Variants in EIF4G3 observed in about 807,000 individuals in gnomAD.
EIF4G3 encodes the protein eukaryotic translation initiation factor 4 gamma 3, also known as eIF-4-gamma 3.
In EIF4G3, 34 loss-of-function variants were observed where a neutral mutation model predicts 186.4. That is an observed-to-expected ratio of 0.18 (90% CI 0.14 to 0.24). EIF4G3 has a LOEUF of 0.24. Ranked by LOEUF, EIF4G3 falls within the 10% of genes least tolerant of loss-of-function variation. EIF4G3 has a pLI of 1.00. For missense variants in EIF4G3, 1,536 were observed against 1,948.5 expected, an observed-to-expected ratio of 0.79 and a Z score of 3.99; for synonymous variants, 673 against 679.5, an observed-to-expected ratio of 0.99 and a Z score of 0.15.
At position 20,868,090 on chromosome 1, in the gene EIF4G3, C is replaced by CT. The variant is rs66560662; in HGVS notation, c.2623-2829dup. Among the ~76,000 whole-genome samples, 141 of 90,430 alleles carry CT rather than the reference C, an allele frequency of 1.6e-3. 11 individuals carry two copies. Among genetic ancestry groups the CT allele is most frequent in the African/African-American group, 3.5e-3 (87 of 24,712 alleles). The allele number at this position is 90,430 out of a possible 152,430, so 59.3% of individuals were successfully genotyped here. A position where few individuals can be genotyped will look rare whatever the true frequency, so the allele number is the denominator to read the frequency against. ...GAGAATAGTGATTCATGGTGATTTT[C>CT]TTTTTTTTTTTTTTTTGTCCTTAGG... On this transcript the variant is annotated intron_variant, in intron 20 of 36. Transcript: ENST00000602326.
chr1:21,065,661 T>C (rs1214055126), intron 3 of EIF4G3, among the ~76,000 whole-genome samples: 2 of 152,176 alleles, frequency 1.3e-5, no homozygotes, highest in African/African-American at 4.8e-5. Context: ...ACAGAAACTA[T>C]ATAAGCAAAT....
chr1:21,124,345 G>A (rs999647144), intron 2 of EIF4G3, among the ~76,000 whole-genome samples: 1 of 152,050 alleles, frequency 6.6e-6, no homozygotes, highest in African/African-American at 2.4e-5. Context: ...CCTTCATCTG[G>A]CACACATTCA....
Position 20,895,387 on chromosome 1 carries a change from C to G in EIF4G3, c.2114G>C (p.Ser705Thr), listed in dbSNP as rs756112842. The G allele has an allele frequency of 1.2e-6, 2 of 1,613,882 alleles. No individual in the cohort carries two copies. The highest frequency in any genetic ancestry group is 2.7e-5 in the African/African-American group (2 of 75,038). ...IQKPEGLPPI[S>T]DVVLDKINQP... ...GCTTACCTTGTCAAGAACCACATCA[C>G]TGATAGGAGGCAGGCCCTCTGGTTT... is the stretch of plus-strand genomic sequence containing the variant. The change falls in exon 17 of 37, where the codon AGT (serine) becomes ACT (threonine). Residue 705 changes from serine (S) to threonine (T), a missense_variant. By Grantham distance (58) the Ser-to-Thr change is moderately conservative. Coordinates refer to ENST00000602326, the MANE Select transcript of EIF4G3 (RefSeq NM_001391906.1).
At chr1:20,815,658 G>A (rs1212575041) in intron 34 of EIF4G3, among the ~76,000 whole-genome samples, 24 of 131,172 alleles carry the variant, frequency 1.8e-4, no homozygotes, top group East Asian at 4.5e-4. Context: ...GTGGGGGGGG[G>A]TCAGCCCCCC....
At chr1:20,991,816 T>TA (rs1241195394) in intron 7 of EIF4G3, among the ~76,000 whole-genome samples, 1 of 152,092 alleles carries the variant, frequency 6.6e-6, no homozygotes. Flanking sequence ...TCACTCATGC[T>TA]AAAAAATAGC....
At chr1:21,029,941 G>A (rs768112407) in intron 4 of EIF4G3, among the ~76,000 whole-genome samples, 3 of 152,126 alleles carry the variant, frequency 2.0e-5, no homozygotes, top group Non-Finnish European at 4.4e-5. Flanking sequence ...AGTGAGCCAT[G>A]AACTCCTGGG....
intron 2 of EIF4G3, among the ~76,000 whole-genome samples, chr1:21,089,956 G>A (rs2096129531): frequency 6.6e-6 from 1 of 152,062 alleles, no homozygotes; most frequent in Non-Finnish European, 1.5e-5. Context: ...CTTTCCCTCT[G>A]AGCTCAAGAT....
chr1:21,020,486 T>C (rs2090419665), intron 4 of EIF4G3, among the ~76,000 whole-genome samples: 1 of 151,810 alleles, frequency 6.6e-6, no homozygotes, highest in South Asian at 2.1e-4. Context: ...TGAGACCCTG[T>C]CTCAAAAATA....
At chr1:20,875,087 T>C (rs1297851212) in intron 20 of EIF4G3, among the ~76,000 whole-genome samples, 1 of 150,874 alleles carries the variant, frequency 6.6e-6, no homozygotes, top group Non-Finnish European at 1.5e-5. Flanking sequence ...CAAGGGATCC[T>C]CCCACCTGAG....
chr1:20,956,397 CA>C (rs371881099), intron 12 of EIF4G3, among the ~76,000 whole-genome samples: 4 of 152,124 alleles, frequency 2.6e-5, no homozygotes, highest in Non-Finnish European at 5.9e-5. Context: ...ACAGAATCAA[CA>C]GAGGAGAGGC....
At chr1:20,837,367 A>G (rs1249844500) in intron 30 of EIF4G3, among the ~76,000 whole-genome samples, 1 of 152,074 alleles carries the variant, frequency 6.6e-6, no homozygotes, top group Non-Finnish European at 1.5e-5. Context: ...CACCATGCCC[A>G]GCTAATTTTT....
At chr1:21,128,336 C>T (rs1386666752) in intron 2 of EIF4G3, among the ~76,000 whole-genome samples, 2 of 151,660 alleles carry the variant, frequency 1.3e-5, no homozygotes, top group African/African-American at 4.8e-5. Flanking sequence ...TGGTGAAACC[C>T]CGTCTCTAAA....
chr1:20,992,354 T>G, intron 7 of EIF4G3, among the ~76,000 whole-genome samples: 1 of 1,614 alleles, frequency 6.2e-4, no homozygotes, highest in East Asian at 0.25. Flanking sequence ...CAACTAGGAA[T>G]ATATAACATC....
chr1:20,929,527 T>C (rs1395978713), intron 14 of EIF4G3: 1 of 152,158 alleles, frequency 6.6e-6, no homozygotes, highest in Non-Finnish European at 1.5e-5. Context: ...AGGGCAAAGA[T>C]CATGATATCC....
intron 17 of EIF4G3, 130 bp from the exon 18 acceptor site, chr1:20,893,766 G>T: frequency 9.9e-7 from 1 of 1,008,792 alleles, no homozygotes; most frequent in Non-Finnish European, 1.4e-6. Flanking sequence ...ACCCGCAGAA[G>T]TCCAATCTCA....
chr1:21,105,663 C>T (rs1034721548), intron 2 of EIF4G3, among the ~76,000 whole-genome samples: 4 of 152,082 alleles, frequency 2.6e-5, no homozygotes, highest in African/African-American at 7.2e-5. Context: ...GAATTGAAAT[C>T]TGAGTAATAC....
At chr1:20,907,108 A>T (rs2092321386) in intron 14 of EIF4G3, among the ~76,000 whole-genome samples, 1 of 152,168 alleles carries the variant, frequency 6.6e-6, no homozygotes, top group Admixed American at 6.6e-5. Flanking sequence ...TTGCACAGGG[A>T]GGGCACTCGA....
Position 20,942,171 on chromosome 1 carries a change from G to T in EIF4G3, c.983C>A (p.Ser328Tyr), listed in dbSNP as rs760196310. The T allele has an allele frequency of 6.2e-7, 1 of 1,614,168 alleles. No individual in the cohort carries two copies. Among genetic ancestry groups the T allele is most frequent in the Non-Finnish European group, 8.5e-7 (1 of 1,180,014 alleles). The change falls in exon 14 of 37, where the codon TCT becomes TAT. Residue 328 changes from serine (S) to tyrosine (Y), a missense_variant. By Grantham distance (144) the Ser-to-Tyr change is moderately radical. Around this residue, in one of 11 missense-constraint regions of EIF4G3, gnomAD observed 560 missense variants for 547.8 expected, o/e 1.02. Coordinates refer to ENST00000602326, the MANE Select transcript of EIF4G3 (RefSeq NM_001391906.1). ...TGCAATTGTACTTCGAGCAACAGAAGAAACAGTGGTAGGTGATGGAGGCAG... is the reference window on the plus strand; with the variant it reads ...TGCAATTGTACTTCGAGCAACAGAATAAACAGTGGTAGGTGATGGAGGCAG... The part of the protein sequence containing the change: ...LPLPPSPTTV[S>Y]SVARSTIAAP...
chr1:20,842,970 A>C (rs1365117593), intron 29 of EIF4G3, among the ~76,000 whole-genome samples: 2 of 151,688 alleles, frequency 1.3e-5, no homozygotes, highest in East Asian at 3.9e-4. Context: ...TCAGCCTCCC[A>C]AGTAGCTGGG....
Sources: gnomAD v4.1 joint callset for allele counts (sites outside exome capture counted in the v4.1 genomes callset) on GRCh38, gnomAD v4.1.1 for gene constraint, gnomAD v4.1.1 regional missense constraint, MANE v1.5 for transcripts, NCBI Gene and HGNC (gene_info 2026-07-23, HGNC 2026-07-21) for gene names.